Variants in RADIL observed in about 807,000 individuals in gnomAD.
RADIL encodes Rap associating with DIL domain, also known as ras-associating and dilute domain-containing protein.
RADIL carries 99 observed loss-of-function variants against 97.6 expected under a neutral mutation model. That is an observed-to-expected ratio of 1.01 (90% CI 0.86 to 1.20). The LOEUF is 1.20. Among genes scored for constraint, RADIL ranks in the 50% most tolerant of loss-of-function variants. The pLI is 0.00. For missense variants in RADIL, 1,765 were observed against 1,498.9 expected, an observed-to-expected ratio of 1.18 and a Z score of -2.93; for synonymous variants, 803 against 691.8, an observed-to-expected ratio of 1.16 and a Z score of -2.52.
At position 4,822,490 on chromosome 7, in the gene RADIL, G is replaced by C. The variant is rs200038398; in HGVS notation, c.1519C>G (p.Leu507Val). 34 of 1,612,994 alleles carry C rather than the reference G, an allele frequency of 2.1e-5. No individual in the cohort carries two copies. The highest frequency in any genetic ancestry group is 2.8e-5 in the Non-Finnish European group (33 of 1,180,012). The stretch of plus-strand genomic sequence containing the variant: ...TCGATGGAGTTAGACATCCAGAAAA[G>C]AATGGGCTGCAAGTCTGGAACCAGA... ...ADLVPDLQPI[L>V]FWMSNSIELL... The change falls in exon 6 of 15, where the codon CTT (leucine) becomes GTT (valine). Residue 507 changes from leucine to valine, a missense_variant. Physicochemically the swap from Leu to Val is conservative, Grantham distance 32. Transcript: ENST00000399583. The surrounding 1 kb of genome is among the most constrained non-coding windows in gnomAD (Gnocchi z 5.3).
Position 4,880,416 on chromosome 7 carries a change from T to C in RADIL, c.-64-2213A>G, listed in dbSNP as rs1467346246. Among the ~76,000 whole-genome samples the C allele has an allele frequency of 1.3e-5, 2 of 152,160 alleles. No homozygotes were observed. Among genetic ancestry groups the C allele is most frequent in the African/African-American group, 2.4e-5 (1 of 41,428 alleles). ...GCCTGTGCACACCACACCAGCGGCTTCCAATCGCCCTCTAGTCTGACCTCA... is the reference window on the plus strand; with the variant it reads ...GCCTGTGCACACCACACCAGCGGCTCCCAATCGCCCTCTAGTCTGACCTCA... On this transcript the variant is annotated intron_variant, in intron 1 of 14. Transcript: ENST00000399583. This position sits in a 1 kb window ranked among gnomAD's most constrained non-coding sequence, Gnocchi z 4.5.
At position 4,799,270 on chromosome 7, in the gene RADIL, C is replaced by G; in HGVS notation, c.*108G>C. 1.9e-6 allele frequency: 2 copies of G among 1,070,256 alleles called. No homozygotes were observed. The highest frequency in any genetic ancestry group is 5.0e-5 in the East Asian group (2 of 39,922). The allele number at this position is 1,070,256 out of a possible 1,614,324, so 66.3% of individuals were successfully genotyped here. On this transcript the variant is annotated 3_prime_UTR_variant, in exon 15 of 15. Coordinates refer to ENST00000399583, the MANE Select transcript of RADIL (RefSeq NM_018059.5). ...ATGTCCCCAGGGTGAGGCTCCCCAC[C>G]CGGGACCCAACTTGGTCAGTTACAA...
In RADIL at chr7:4,867,632, G is replaced by GTAAATAAATAAA. The variant is rs61202853; in HGVS notation, c.535+9961_535+9972dup. Among the ~76,000 whole-genome samples the GTAAATAAATAAA allele has an allele frequency of 1.3e-3, 204 of 151,558 alleles. 1 individual carries two copies. The highest frequency in any genetic ancestry group is 4.8e-3 in the African/African-American group (199 of 41,180). On this transcript the variant is annotated intron_variant, in intron 2 of 14. Transcript: ENST00000399583. The surrounding 1 kb of genome is among the most constrained non-coding windows in gnomAD (Gnocchi z 4.1). The stretch of plus-strand genomic sequence containing the variant: ...CTGTCTCTATTTTTAAAATAAATAA[G>GTAAATAAATAAA]TAAATAAATAAATAAATAAATAATG...
At chr7:4,809,752 G>C in intron 9 of RADIL, 2 of 517,614 alleles carry the variant, frequency 3.9e-6, no homozygotes, top group Non-Finnish European at 5.0e-6. Context: ...GCGTGATCTC[G>C]GCTCACTGCA....
In RADIL at chr7:4,808,730, G is replaced by A. The variant is rs538166742; in HGVS notation, c.2140-3014C>T. On this transcript the variant is annotated intron_variant, in intron 9 of 14. Transcript: ENST00000399583. ...CTCCGTTTCTCCTTCCAACGCCACT[G>A]CCCCTCCGCGTCTCCTTCCAACGCC... The A allele has an allele frequency of 2.6e-4, 249 of 949,286 alleles. 1 individual carries two copies. The African/African-American group carries it at 4.1e-3, about 15-fold the overall frequency. 58.8% of individuals were successfully genotyped at this position (949,286 alleles called of 1,614,324 possible). A position where few individuals can be genotyped will look rare whatever the true frequency, so the allele number is the denominator to read the frequency against.
chr7:4,859,903 G>C (rs1195897997), intron 2 of RADIL: 3 of 1,602,134 alleles, frequency 1.9e-6, no homozygotes, highest in Non-Finnish European at 2.6e-6. Flanking sequence ...CCAACTATAG[G>C]ATTAGATATG....
At chr7:4,806,568 G>T (rs139796969) in intron 9 of RADIL, among the ~76,000 whole-genome samples, 19 of 152,350 alleles carry the variant, frequency 1.2e-4, no homozygotes, top group Admixed American at 2.0e-4. Context: ...CAGCCTCTGC[G>T]GCCCGCCAGG....
intron 2 of RADIL, chr7:4,865,452 T>C: frequency 1.3e-6 from 1 of 749,394 alleles, no homozygotes; most frequent in Non-Finnish European, 2.5e-6. Context: ...TTCCTCCTCT[T>C]CTTTGTCCTG....
At chr7:4,825,935 A>G (rs1038804200) in intron 5 of RADIL, among the ~76,000 whole-genome samples, 1 of 148,772 alleles carries the variant, frequency 6.7e-6, no homozygotes, top group Non-Finnish European at 1.5e-5. Flanking sequence ...AATATGTTGC[A>G]GGAAACTGTT....
chr7:4,858,395 T>G (rs1010180517), intron 2 of RADIL: 16 of 152,340 alleles, frequency 1.1e-4, no homozygotes, highest in African/African-American at 3.9e-4. Context: ...TAATCATAGA[T>G]GCTCTACTGC....
rs78264182 is a variant in RADIL at position 4,878,678 on chromosome 7, G to A, written c.-64-475C>T. Among the ~76,000 whole-genome samples, 1,852 of 152,328 alleles carry A rather than the reference G, an allele frequency of 0.012. 44 individuals carry two copies. The highest frequency in any genetic ancestry group is 0.043 in the African/African-American group (1,776 of 41,564). On this transcript the variant is annotated intron_variant, in intron 1 of 14. Transcript: ENST00000399583. The surrounding 1 kb of genome is among the most constrained non-coding windows in gnomAD (Gnocchi z 4.1). ...CTAAACGGGCTGGAGCGCCCTTCAA[G>A]GAAAGCCATTACTGGGAAACACAAT...
At position 4,822,179 on chromosome 7, in the gene RADIL, G is replaced by A. The variant is rs745963252; in HGVS notation, c.1615+215C>T. On this transcript the variant is annotated intron_variant, in intron 6 of 14. Coordinates refer to ENST00000399583, the MANE Select transcript of RADIL (RefSeq NM_018059.5). The surrounding 1 kb of genome is among the most constrained non-coding windows in gnomAD (Gnocchi z 5.3). Reference sequence around the variant, plus strand: ...GGGACAGACTGAGTGCCAAGGTGCTGTGGGGGGAGGTGCCAGACTGGCCCG... The same window carrying A: ...GGGACAGACTGAGTGCCAAGGTGCTATGGGGGGAGGTGCCAGACTGGCCCG... 6.6e-6 allele frequency among the ~76,000 whole-genome samples: 1 copy of A among 152,186 alleles called. No homozygotes were observed. Among genetic ancestry groups the A allele is most frequent in the Non-Finnish European group, 1.5e-5 (1 of 68,026 alleles).
chr7:4,803,767 G>A lies in RADIL; in HGVS notation c.2291-13C>T, dbSNP rs1782196812. 1.3e-6 allele frequency: 2 copies of A among 1,549,032 alleles called. No individual in the cohort carries two copies. The highest frequency in any genetic ancestry group is 2.4e-5 in the East Asian group (1 of 41,064). ...TCCAGAACATCCTCTGCAGGGGAGA[G>A]AGGATGCCCGTAATGGCCACAGGAG... On this transcript the variant is annotated splice_polypyrimidine_tract_variant and intron_variant, in intron 10 of 14. Transcript: ENST00000399583.
intron 5 of RADIL, among the ~76,000 whole-genome samples, chr7:4,827,764 G>C (rs1292140177): frequency 6.6e-6 from 1 of 152,190 alleles, no homozygotes. Flanking sequence ...CTCTGGCCCG[G>C]ATGTTCTTCC....
chr7:4,834,815 T>C lies in RADIL; in HGVS notation c.1208A>G (p.Gln403Arg). 7.6e-7 allele frequency: 1 copy of C among 1,322,144 alleles called. No individual in the cohort carries two copies. The highest frequency in any genetic ancestry group is 1.5e-5 in the African/African-American group (1 of 65,560). The allele number at this position is 1,322,144 out of a possible 1,614,324, so 81.9% of individuals were successfully genotyped here. The change falls in exon 4 of 15, where the codon CAG becomes CGG. Residue 403 changes from glutamine to arginine, a missense_variant. By Grantham distance (43) the Gln-to-Arg change is conservative. Coordinates refer to ENST00000399583, the MANE Select transcript of RADIL (RefSeq NM_018059.5). This position sits in a 1 kb window ranked among gnomAD's most constrained non-coding sequence, Gnocchi z 6.0. ...GGGCTCAAACTCCAGGAGCAGCTGC[T>C]GGCGCCGGGGCAGGGCGGCCTGAGT... ...SPTQAALPRR[Q>R]QLLLEFEPHL...
At chr7:4,830,086 C>T (rs975463483) in intron 5 of RADIL, among the ~76,000 whole-genome samples, 2 of 152,168 alleles carry the variant, frequency 1.3e-5, no homozygotes, top group Admixed American at 1.3e-4. Context: ...TGTTATCTCA[C>T]GTGTGTGTCT....
At chr7:4,855,947 C>G (rs936865774) in intron 2 of RADIL, among the ~76,000 whole-genome samples, 2 of 151,942 alleles carry the variant, frequency 1.3e-5, no homozygotes, top group African/African-American at 4.8e-5. Context: ...AGGTGCGCAT[C>G]ACCATGCCCA....
chr7:4,873,001 G>C lies in RADIL; in HGVS notation c.535+4604C>G, dbSNP rs147508873. Among the ~76,000 whole-genome samples, 1 of 152,112 alleles carries C rather than the reference G, an allele frequency of 6.6e-6. No homozygotes were observed. The highest frequency in any genetic ancestry group is 1.5e-5 in the Non-Finnish European group (1 of 68,024). On this transcript the variant is annotated intron_variant, in intron 2 of 14. Transcript: ENST00000399583. This position sits in a 1 kb window ranked among gnomAD's most constrained non-coding sequence, Gnocchi z 4.3. ...CACCCAGGCTGGAGTGCAGTGGTGCGATCTCAGCTCACTGCAACCTCCGCC... is the reference window on the plus strand; with the variant it reads ...CACCCAGGCTGGAGTGCAGTGGTGCCATCTCAGCTCACTGCAACCTCCGCC...
At chr7:4,832,978 G>A (rs1344946211) in intron 4 of RADIL, among the ~76,000 whole-genome samples, 1 of 152,214 alleles carries the variant, frequency 6.6e-6, no homozygotes, top group Non-Finnish European at 1.5e-5. Context: ...TGGGTGCAGG[G>A]GGAAGAGGTG....
Sources: allele counts gnomAD v4.1 joint callset (sites outside exome capture counted in the v4.1 genomes callset), GRCh38; gene constraint gnomAD v4.1.1; non-coding constraint Gnocchi (gnomAD v3.1); transcripts MANE v1.5; gene names NCBI Gene and HGNC (gene_info 2026-07-23, HGNC 2026-07-21).